Variants in ITPR2 observed in about 807,000 individuals in gnomAD.
The protein encoded by ITPR2 is inositol 1,4,5-trisphosphate receptor type 2.
In ITPR2, 207 loss-of-function variants were observed where a neutral mutation model predicts 317.1. The ratio of observed to expected loss-of-function variants is 0.65; its 90% confidence interval spans 0.58 to 0.73. The LOEUF (loss-of-function observed/expected upper bound fraction) is 0.73. Among genes scored for constraint, ITPR2 ranks in the 30% least tolerant of loss-of-function variants. The probability of loss-of-function intolerance (pLI) is 0.00; values close to 1 mark genes in which losing one functional copy is unlikely to be tolerated. For synonymous variants in ITPR2, 1,156 were observed against 1,149.1 expected (o/e 1.01, Z -0.12); for missense variants, 2,613 against 3,284.0 (o/e 0.80, Z 4.99).
intron 37 of ITPR2, among the ~76,000 whole-genome samples, chr12:26,515,663 C>T (rs577025311): frequency 6.6e-6 from 1 of 151,996 alleles, no homozygotes; most frequent in Non-Finnish European, 1.5e-5. Flanking sequence ...TACAGAGAAG[C>T]ACTGAGAGTG....
At chr12:26,653,608 T>C (rs1029985274) in intron 21 of ITPR2, among the ~76,000 whole-genome samples, 12 of 152,332 alleles carry the variant, frequency 7.9e-5, no homozygotes, top group African/African-American at 2.9e-4. Flanking sequence ...TGACACCTTA[T>C]AATTTCATCT....
chr12:26,439,853 T>G (rs1941443617), intron 46 of ITPR2, among the ~76,000 whole-genome samples: 1 of 152,186 alleles, frequency 6.6e-6, no homozygotes, highest in South Asian at 2.1e-4. Context: ...AGCTACAACA[T>G]CCATGTAAAC....
chr12:26,832,410 T>C (rs946805454), intron 1 of ITPR2, among the ~76,000 whole-genome samples: 7 of 152,294 alleles, frequency 4.6e-5, no homozygotes, highest in Admixed American at 2.6e-4. Context: ...CGAAGACCTC[T>C]TCGCCGGGCC....
intron 55 of ITPR2, among the ~76,000 whole-genome samples, chr12:26,365,287 A>G (rs1422036625): frequency 6.6e-6 from 1 of 152,222 alleles, no homozygotes; most frequent in Admixed American, 6.5e-5. Context: ...CTGGGTACCT[A>G]ACAAAATTTT....
rs1943381477 is a variant in ITPR2 at position 26,512,532 on chromosome 12, C to T, written c.5074-17272G>A. On this transcript the variant is annotated intron_variant, in intron 37 of 56. Coordinates refer to ENST00000381340, the MANE Select transcript of ITPR2 (RefSeq NM_002223.4). ...TGATCAAAGACTCAAAAGAATGCAACCTTTTGTCTCTTATCTACCTATAAC... is the reference window on the plus strand; with the variant it reads ...TGATCAAAGACTCAAAAGAATGCAATCTTTTGTCTCTTATCTACCTATAAC... Among the ~76,000 whole-genome samples, 4 of 152,288 alleles carry T rather than the reference C, an allele frequency of 2.6e-5. No homozygotes were observed. In the South Asian group the frequency reaches 8.3e-4, roughly 32 times the overall value.
Position 26,657,954 on chromosome 12 carries a change from A to G in ITPR2, c.2006+57T>C, listed in dbSNP as rs145476516. ...AGTACACTTGTAAATATGACAAAGA[A>G]TTACAGTGCTTACAAATAATCAACA... On this transcript the variant is annotated intron_variant, in intron 17 of 56. Coordinates refer to ENST00000381340, the MANE Select transcript of ITPR2 (RefSeq NM_002223.4). The G allele has an allele frequency of 3.9e-4, 633 of 1,603,270 alleles. 3 individuals are homozygous for G. In the African/African-American group the frequency reaches 7.3e-3, roughly 18 times the overall value.
intron 26 of ITPR2, among the ~76,000 whole-genome samples, chr12:26,610,910 G>A (rs1946248813): frequency 6.6e-6 from 1 of 152,228 alleles, no homozygotes; most frequent in South Asian, 2.1e-4. Context: ...AACAGCAAGA[G>A]AAGAGAAGGC....
intron 1 of ITPR2, among the ~76,000 whole-genome samples, chr12:26,796,684 T>C (rs921688865): frequency 2.0e-5 from 3 of 152,102 alleles, no homozygotes; most frequent in Non-Finnish European, 4.4e-5. Context: ...CTGTTTATGA[T>C]AGCAACAACT....
At chr12:26,555,723 A>C (rs1013448536) in intron 36 of ITPR2, among the ~76,000 whole-genome samples, 2 of 152,306 alleles carry the variant, frequency 1.3e-5, no homozygotes, top group Non-Finnish European at 2.9e-5. Flanking sequence ...TCTGAGTCTT[A>C]CTAACCCTGC....
chr12:26,702,790 T>A (rs1431509623), intron 9 of ITPR2, among the ~76,000 whole-genome samples: 1 of 152,204 alleles, frequency 6.6e-6, no homozygotes, highest in African/African-American at 2.4e-5. Flanking sequence ...TTACATTGAA[T>A]AAGGGACCAT....
intron 2 of ITPR2, among the ~76,000 whole-genome samples, chr12:26,761,641 T>C (rs78022187): frequency 0.016 from 2,444 of 152,228 alleles, 63 homozygotes; most frequent in African/African-American, 0.057. Context: ...AAAAAACTTT[T>C]TAAAAATTAG....
intron 8 of ITPR2, among the ~76,000 whole-genome samples, chr12:26,712,146 A>C (rs183371723): frequency 6.6e-6 from 1 of 152,334 alleles, no homozygotes; most frequent in East Asian, 1.9e-4. Context: ...ACAGAAAGGA[A>C]TTTAACATCT....
chr12:26,679,931 G>GA (rs1262936033), intron 13 of ITPR2, among the ~76,000 whole-genome samples: 1 of 151,644 alleles, frequency 6.6e-6, no homozygotes, highest in Non-Finnish European at 1.5e-5. Context: ...TTGTCTCTGG[G>GA]AAAAATCAAA....
rs1945018938 is a variant in ITPR2, at chr12:26,567,941, A to ATATATATATTATATATATATATAT, written c.4631-6013_4631-5990dup. Among the ~76,000 whole-genome samples, 18 of 47,888 alleles carry ATATATATATTATATATATATATAT rather than the reference A, an allele frequency of 3.8e-4. 2 individuals carry two copies. Among genetic ancestry groups the ATATATATATTATATATATATATAT allele is most frequent in the Admixed American group, 1.5e-3 (7 of 4,682 alleles). The allele number at this position is 47,888 out of a possible 152,430, so 31.4% of individuals were successfully genotyped here. ...TACTAAGCTAGAAAAATTCTGGTAT[A>ATATATATATTATATATATATATAT]TATATATATTATATATATATATATA... On this transcript the variant is annotated intron_variant, in intron 34 of 56. Coordinates refer to ENST00000381340, the MANE Select transcript of ITPR2 (RefSeq NM_002223.4).
intron 45 of ITPR2, among the ~76,000 whole-genome samples, chr12:26,471,652 T>A (rs2136811373): frequency 6.6e-6 from 1 of 152,124 alleles, no homozygotes; most frequent in Admixed American, 6.5e-5. Flanking sequence ...CTTACTACCA[T>A]GAAAAGAACA....
intron 37 of ITPR2, among the ~76,000 whole-genome samples, chr12:26,525,007 C>T (rs1943773073): frequency 6.6e-6 from 1 of 152,082 alleles, no homozygotes; most frequent in Non-Finnish European, 1.5e-5. Flanking sequence ...TAAAACTAAA[C>T]CTGAGAAACA....
At chr12:26,388,913 A>G (rs2136631388) in intron 54 of ITPR2, among the ~76,000 whole-genome samples, 1 of 152,234 alleles carries the variant, frequency 6.6e-6, no homozygotes, top group South Asian at 2.1e-4. Flanking sequence ...CTTTTATTCG[A>G]TGGCAGCTCT....
chr12:26,431,510 CA>C (rs2136709749), intron 48 of ITPR2, among the ~76,000 whole-genome samples: 1 of 152,292 alleles, frequency 6.6e-6, no homozygotes, highest in East Asian at 1.9e-4. Flanking sequence ...ATCAGCCAAA[CA>C]AAGAAACCCA....
At chr12:26,731,239 T>C (rs1320535970) in intron 2 of ITPR2, among the ~76,000 whole-genome samples, 1 of 152,168 alleles carries the variant, frequency 6.6e-6, no homozygotes, top group Non-Finnish European at 1.5e-5. Flanking sequence ...CGGTAGCCTG[T>C]AAAAAACACC....
Sources: gnomAD v4.1 joint callset for allele counts (sites outside exome capture counted in the v4.1 genomes callset) on GRCh38, gnomAD v4.1.1 for gene constraint, MANE v1.5 for transcripts, NCBI Gene and HGNC (gene_info 2026-07-23, HGNC 2026-07-21) for gene names.